ARHGEF10: variants seen among roughly 807,000 people sequenced by gnomAD.
ARHGEF10 encodes the protein Rho guanine nucleotide exchange factor 10, also known as Rho guanine nucleotide exchange factor (GEF) 10.
ARHGEF10 carries 140 observed loss-of-function variants against 147.4 expected under a neutral mutation model. That is an observed-to-expected ratio of 0.95 (90% CI 0.83 to 1.09). The LOEUF (loss-of-function observed/expected upper bound fraction) is 1.09. Among genes scored for constraint, ARHGEF10 ranks in the 50% least tolerant of loss-of-function variants. The pLI is 0.00. For synonymous variants in ARHGEF10, 902 were observed against 695.8 expected, an observed-to-expected ratio of 1.30 and a Z score of -4.67; for missense variants, 2,222 against 1,752.7, an observed-to-expected ratio of 1.27 and a Z score of -4.78.
At chr8:1,910,986 G>C (rs1811313050) in intron 18 of ARHGEF10, among the ~76,000 whole-genome samples, 1 of 152,114 alleles carries the variant, frequency 6.6e-6, no homozygotes, top group African/African-American at 2.4e-5. Flanking sequence ...TGTGAAAAAA[G>C]CATAAAGCAG....
chr8:1,857,586 A>AT (rs1209719164), intron 2 of ARHGEF10, among the ~76,000 whole-genome samples: 1 of 151,660 alleles, frequency 6.6e-6, no homozygotes, highest in Non-Finnish European at 1.5e-5. Flanking sequence ...CGCCTGGCTA[A>AT]TTTTTTTATT....
intron 7 of ARHGEF10, among the ~76,000 whole-genome samples, chr8:1,875,895 T>C (rs558216865): frequency 3.9e-5 from 6 of 152,354 alleles, no homozygotes; most frequent in Non-Finnish European, 8.8e-5. Context: ...TTAATATTTT[T>C]AAGGCATGGA....
chr8:1,888,880 T>TGGGTG (rs1809084802), intron 11 of ARHGEF10, among the ~76,000 whole-genome samples: 1 of 133,338 alleles, frequency 7.5e-6, no homozygotes, highest in African/African-American at 3.4e-5. Context: ...GGGTGAGAGT[T>TGGGTG]ATGAGGAGAC....
chr8:1,851,923 A>AG (rs1176578040), intron 2 of ARHGEF10, among the ~76,000 whole-genome samples: 1 of 151,954 alleles, frequency 6.6e-6, no homozygotes, highest in African/African-American at 2.4e-5. Flanking sequence ...CAAAAAAAAA[A>AG]AAAATTAATA....
At chr8:1,866,675 C>T (rs1000714712) in intron 6 of ARHGEF10, 73 bp downstream of exon 6, 2 of 1,382,024 alleles carry the variant, frequency 1.4e-6, no homozygotes, top group African/African-American at 2.8e-5. Context: ...GGGCCGGGTC[C>T]CTGAGTCTCA....
rs766128566 is a variant in ARHGEF10, at chr8:1,869,339, A to G, written c.679+89A>G. On this transcript the variant is annotated intron_variant, in intron 7 of 28. Transcript: ENST00000349830. Reference sequence around the variant, plus strand: ...AAAGTGACTATTTAGTGGACGGCCCAGACGTTTTCTGTATTCATGTTTTGT... The same window carrying G: ...AAAGTGACTATTTAGTGGACGGCCCGGACGTTTTCTGTATTCATGTTTTGT... 3 of 1,132,342 alleles carry G rather than the reference A, an allele frequency of 2.6e-6. No homozygotes were observed. The Admixed American group carries it at 5.2e-5, about 20-fold the overall frequency. 70.1% of individuals were successfully genotyped at this position (1,132,342 alleles called of 1,614,324 possible).
At chr8:1,911,299 T>TA (rs1811334185) in intron 18 of ARHGEF10, among the ~76,000 whole-genome samples, 1 of 150,576 alleles carries the variant, frequency 6.6e-6, no homozygotes. Flanking sequence ...ATTTTTTTTT[T>TA]ATCACGTCTC....
intron 10 of ARHGEF10, among the ~76,000 whole-genome samples, chr8:1,884,516 A>T (rs954538767): frequency 2.0e-5 from 3 of 152,158 alleles, no homozygotes; most frequent in Non-Finnish European, 2.9e-5. Flanking sequence ...ATTAACTAGA[A>T]AGCTTTTAAA....
chr8:1,833,355 G>GACAGAGGC (rs1803374748), intron 1 of ARHGEF10, among the ~76,000 whole-genome samples: 2 of 48,108 alleles, frequency 4.2e-5, no homozygotes, highest in Non-Finnish European at 4.5e-5. Flanking sequence ...CAGAGGCAGA[G>GACAGAGGC]AGAGACAGAG....
intron 2 of ARHGEF10, among the ~76,000 whole-genome samples, chr8:1,851,853 G>GCTA (rs1380684002): frequency 6.6e-6 from 1 of 151,840 alleles, no homozygotes; most frequent in Non-Finnish European, 1.5e-5. Context: ...GGTCAAGGCT[G>GCTA]CAGTAAGCTG....
At chr8:1,841,987 C>G (rs1804111972) in intron 1 of ARHGEF10, among the ~76,000 whole-genome samples, 1 of 68,152 alleles carries the variant, frequency 1.5e-5, no homozygotes, top group Admixed American at 1.6e-4. Flanking sequence ...GCGGCGGGAA[C>G]TGGGGCCGCG....
At chr8:1,947,463 G>C (rs979740177) in intron 27 of ARHGEF10, among the ~76,000 whole-genome samples, 3 of 152,196 alleles carry the variant, frequency 2.0e-5, no homozygotes, top group African/African-American at 4.8e-5. Flanking sequence ...TCAAGGGAAG[G>C]CTCTGGCAAG....
chr8:1,878,146 A>G (rs1807864262), intron 8 of ARHGEF10, among the ~76,000 whole-genome samples: 1 of 152,124 alleles, frequency 6.6e-6, no homozygotes, highest in Non-Finnish European at 1.5e-5. Flanking sequence ...CGTCATCATT[A>G]CAACTGCGAT....
At chr8:1,828,823 G>A (rs932941584) in intron 1 of ARHGEF10, among the ~76,000 whole-genome samples, 4 of 149,108 alleles carry the variant, frequency 2.7e-5, no homozygotes, top group South Asian at 2.1e-4. Flanking sequence ...GCACACTTAC[G>A]GTTTTAAGGA....
chr8:1,843,548 T>C (rs1804260717), intron 2 of ARHGEF10, 112 bp downstream of exon 2: 8 of 830,144 alleles, frequency 9.6e-6, no homozygotes, highest in East Asian at 7.9e-5. Flanking sequence ...TGGGGTGGAG[T>C]GAGAGCTTCT....
Position 1,880,355 on chromosome 8 carries a change from C to T in ARHGEF10, c.960+191C>T, listed in dbSNP as rs186822708. ...TGTGCCTTTCACTGTCTCCCTCTTACGGGGAACCCAGGAACATTCTGGAGG... is the reference window on the plus strand; with the variant it reads ...TGTGCCTTTCACTGTCTCCCTCTTATGGGGAACCCAGGAACATTCTGGAGG... On this transcript the variant is annotated intron_variant, in intron 9 of 28. Coordinates refer to ENST00000349830, the MANE Select transcript of ARHGEF10 (RefSeq NM_014629.4). Among the ~76,000 whole-genome samples, 468 of 152,326 alleles carry T rather than the reference C, an allele frequency of 3.1e-3. 1 individual carries two copies. The highest frequency in any genetic ancestry group is 0.011 in the African/African-American group (441 of 41,570).
In ARHGEF10 at chr8:1,923,536, T is replaced by C; in HGVS notation, c.2328T>C (p.Asp776=). The C allele has an allele frequency of 1.2e-6, 2 of 1,614,136 alleles. No homozygotes were observed. The highest frequency in any genetic ancestry group is 1.7e-6 in the Non-Finnish European group (2 of 1,180,040). Residue 776 remains aspartate (D), a synonymous_variant, in exon 20 of 29, where the codon GAT becomes GAC. Transcript: ENST00000349830. ...GLQRLILKKE[D]EIRAADCCRI... ...AAAGGCTTATTTTGAAGAAAGAAGA[T>C]GAAATCAGAGCTGCGGACTGCTGCA...
At chr8:1,840,403 G>A (rs1162814356) in intron 1 of ARHGEF10, among the ~76,000 whole-genome samples, 2 of 126,796 alleles carry the variant, frequency 1.6e-5, no homozygotes, top group Admixed American at 8.3e-5. Flanking sequence ...GCTGTCTGGT[G>A]TGGGGACTGT....
chr8:1,881,726 C>T (rs1257902289), intron 9 of ARHGEF10, among the ~76,000 whole-genome samples: 2 of 152,194 alleles, frequency 1.3e-5, no homozygotes, highest in Admixed American at 6.5e-5. Context: ...GCCAGGGCTA[C>T]AGCGACGCTG....
Sources: gnomAD v4.1 joint callset for allele counts (sites outside exome capture counted in the v4.1 genomes callset) on GRCh38, gnomAD v4.1.1 for gene constraint, MANE v1.5 for transcripts, NCBI Gene and HGNC (gene_info 2026-07-23, HGNC 2026-07-21) for gene names.